Variants in RNLS observed in about 807,000 individuals in gnomAD.
RNLS encodes renalase.
Under a neutral mutation model 39.8 loss-of-function variants are expected in RNLS, and 39 were observed. The observed-to-expected ratio is 0.98, with a 90% CI of 0.76 to 1.28. The LOEUF (loss-of-function observed/expected upper bound fraction) is 1.28. Among genes scored for constraint, RNLS ranks in the 50% most tolerant of loss-of-function variants. RNLS has a pLI of 0.00. For synonymous variants in RNLS, 147 were observed against 150.7 expected, an observed-to-expected ratio of 0.98 and a Z score of 0.18; for missense variants, 410 against 413.3, an observed-to-expected ratio of 0.99 and a Z score of 0.07.
At chr10:88,454,205 A>T (rs1013558215) in intron 4 of RNLS, among the ~76,000 whole-genome samples, 2 of 152,240 alleles carry the variant, frequency 1.3e-5, no homozygotes, top group African/African-American at 4.8e-5. Flanking sequence ...AAGAAATTCA[A>T]GAAAGATGTA....
chr10:88,390,665 G>A (rs185078417), intron 4 of RNLS, among the ~76,000 whole-genome samples: 13 of 152,268 alleles, frequency 8.5e-5, no homozygotes, highest in African/African-American at 3.1e-4. Flanking sequence ...TAAAGCAGTG[G>A]CTCTCAGAGG....
intron 6 of RNLS, among the ~76,000 whole-genome samples, chr10:88,277,020 T>C (rs753738887): frequency 1.1e-4 from 16 of 152,302 alleles, no homozygotes; most frequent in Admixed American, 2.0e-4. Flanking sequence ...TAAAGACACA[T>C]GCACACGTAT....
At chr10:88,456,140 T>C (rs1444106573) in intron 4 of RNLS, among the ~76,000 whole-genome samples, 1 of 152,190 alleles carries the variant, frequency 6.6e-6, no homozygotes, top group Non-Finnish European at 1.5e-5. Context: ...AAATTAGGAA[T>C]GGTTATTTCC....
At chr10:88,391,335 G>T (rs1334526127) in intron 4 of RNLS, among the ~76,000 whole-genome samples, 1 of 152,148 alleles carries the variant, frequency 6.6e-6, no homozygotes, top group African/African-American at 2.4e-5. Flanking sequence ...CGAGGCCGGT[G>T]GATCACAAGG....
chr10:88,443,006 C>T (rs536045091), intron 4 of RNLS, among the ~76,000 whole-genome samples: 3 of 152,284 alleles, frequency 2.0e-5, no homozygotes, highest in African/African-American at 7.2e-5. Flanking sequence ...TTCACAATTG[C>T]TCAATGACTT....
the RNLS span, among the ~76,000 whole-genome samples, chr10:88,218,836 C>A: frequency 6.6e-6 from 1 of 152,044 alleles, no homozygotes; most frequent in African/African-American, 2.4e-5. Flanking sequence ...TCAGACAGGC[C>A]CCACCCTCAA....
intron 4 of RNLS, among the ~76,000 whole-genome samples, chr10:88,512,092 G>A (rs1011502476): frequency 6.6e-6 from 1 of 152,116 alleles, no homozygotes; most frequent in African/African-American, 2.4e-5. Context: ...GCATTAAAAT[G>A]CAAGGGAAAT....
chr10:88,327,961 T>C (rs1303349922), intron 5 of RNLS, among the ~76,000 whole-genome samples: 1 of 152,124 alleles, frequency 6.6e-6, no homozygotes, highest in Non-Finnish European at 1.5e-5. Context: ...CAGGCTAGAG[T>C]GCAGTGGCAC....
chr10:88,335,580 T>C (rs565258189), intron 5 of RNLS, among the ~76,000 whole-genome samples: 11 of 152,352 alleles, frequency 7.2e-5, no homozygotes, highest in Admixed American at 2.0e-4. Flanking sequence ...AAAAATTTTA[T>C]AATCCTCACT....
At chr10:88,198,788 C>G in the RNLS span, among the ~76,000 whole-genome samples, 2 of 152,162 alleles carry the variant, frequency 1.3e-5, no homozygotes, top group African/African-American at 4.8e-5. Flanking sequence ...TCCAGTGTAG[C>G]CTGTGAGCCA....
intron 4 of RNLS, among the ~76,000 whole-genome samples, chr10:88,481,407 T>G (rs1002490272): frequency 6.6e-6 from 1 of 152,182 alleles, no homozygotes; most frequent in African/African-American, 2.4e-5. Flanking sequence ...CTGCCTTTTT[T>G]GTGTTAAGTG....
chr10:88,518,862 A>T (rs1259712786), intron 4 of RNLS, among the ~76,000 whole-genome samples: 1 of 152,002 alleles, frequency 6.6e-6, no homozygotes, highest in African/African-American at 2.4e-5. Context: ...ACTGATAAGA[A>T]AGAGATTAAG....
intron 3 of RNLS, 104 bp downstream of exon 3, chr10:88,581,463 C>T: frequency 4.1e-6 from 4 of 968,852 alleles, no homozygotes; most frequent in East Asian, 2.8e-5. Context: ...AAATAGAGCA[C>T]CTAATATTTA....
chr10:88,435,903 T>G (rs964383084), intron 4 of RNLS, among the ~76,000 whole-genome samples: 1 of 152,168 alleles, frequency 6.6e-6, no homozygotes, highest in Non-Finnish European at 1.5e-5. Flanking sequence ...ACTAATGTTA[T>G]AACAATTATA....
chr10:88,179,182 G>A, the RNLS span, among the ~76,000 whole-genome samples: 4 of 152,226 alleles, frequency 2.6e-5, no homozygotes, highest in African/African-American at 9.6e-5. Context: ...GGGAATGGGA[G>A]TACCAGATTG....
At position 88,278,553 on chromosome 10, in the gene RNLS, ATTGT is replaced by A. The variant is rs1349338597; in HGVS notation, c.877-3525_877-3522del. ...ATACACTGCTACAGAAGCTATGTTG[ATTGT>A]TTGCACAAGGACAGCACCATTCCCC... On this transcript the variant is annotated intron_variant, in intron 6 of 6. Coordinates refer to the RNLS transcript ENST00000371947. Among the ~76,000 whole-genome samples, 4 of 152,274 alleles carry A rather than the reference ATTGT, an allele frequency of 2.6e-5. No homozygotes were observed. In the East Asian group the frequency reaches 5.8e-4, roughly 22 times the overall value.
rs185083728 is a variant in RNLS, at chr10:88,313,697, G to A, written c.876+769C>T. On this transcript the variant is annotated intron_variant, in intron 6 of 6. Transcript: ENST00000331772. ...ACCAATAGGGCTGATAAATCAGTTC[G>A]TCAACAAGCTCAGAAATCCCAGGAA... 2.6e-3 allele frequency among the ~76,000 whole-genome samples: 400 copies of A among 152,254 alleles called. 3 individuals are homozygous for A. Among genetic ancestry groups the A allele is most frequent in the African/African-American group, 8.1e-3 (336 of 41,554 alleles).
chr10:88,448,471 A>C (rs1022712578), intron 4 of RNLS, among the ~76,000 whole-genome samples: 11 of 152,310 alleles, frequency 7.2e-5, no homozygotes, highest in African/African-American at 2.6e-4. Context: ...CACCAGTTAG[A>C]ATGGCGATCA....
chr10:88,322,262 T>G (rs1389433278), intron 5 of RNLS, among the ~76,000 whole-genome samples: 1 of 152,154 alleles, frequency 6.6e-6, no homozygotes, highest in Non-Finnish European at 1.5e-5. Flanking sequence ...TCCAACGAAC[T>G]AGGCATCAAA....
Sources: allele counts gnomAD v4.1 joint callset (sites outside exome capture counted in the v4.1 genomes callset), GRCh38; gene constraint gnomAD v4.1.1; transcripts MANE v1.5; gene names NCBI Gene and HGNC (gene_info 2026-07-23, HGNC 2026-07-21).